The following AOAH variants were observed in gnomAD, a reference collection of about 807,000 sequenced individuals.
AOAH encodes acyloxyacyl hydrolase (neutrophil).
A neutral mutation model predicts 92.2 loss-of-function variants in AOAH; 64 were observed. The ratio of observed to expected loss-of-function variants is 0.69; its 90% CI spans 0.57 to 0.86. AOAH has a LOEUF of 0.86. AOAH is among the 40% of genes least tolerant of loss of function. The pLI, the probability that AOAH is intolerant of heterozygous loss-of-function variation, is 0.00. For synonymous variants in AOAH, 263 were observed against 254.5 expected (o/e 1.03, Z -0.32); for missense variants, 656 against 694.6 (o/e 0.94, Z 0.62).
chr7:36,686,887 T>C (rs1797060664), intron 1 of AOAH, 93 bp from the exon 2 acceptor site: 1 of 678,772 alleles, frequency 1.5e-6, no homozygotes, highest in South Asian at 3.5e-5. Context: ...TGTGTGTGTG[T>C]GTGTGTGTGT....
intron 3 of AOAH, among the ~76,000 whole-genome samples, chr7:36,673,480 T>C (rs1796053649): frequency 6.6e-6 from 1 of 151,592 alleles, no homozygotes; most frequent in African/African-American, 2.4e-5. Context: ...GAGGTTGCAG[T>C]GAGCCGAGAT....
intron 11 of AOAH, among the ~76,000 whole-genome samples, chr7:36,611,670 A>G (rs1193350717): frequency 6.6e-6 from 1 of 152,100 alleles, no homozygotes; most frequent in South Asian, 2.1e-4. Flanking sequence ...TCCTTTCCTC[A>G]GCCTCTGAGG....
chr7:36,513,442 G>T (rs1790160014), intron 20 of AOAH, 62 bp from the exon 21 acceptor site: 1 of 1,543,166 alleles, frequency 6.5e-7, no homozygotes. Flanking sequence ...TTACCAACAA[G>T]ATTTCCCACG....
chr7:36,660,087 C>T (rs1464749979), intron 3 of AOAH, among the ~76,000 whole-genome samples: 1 of 152,172 alleles, frequency 6.6e-6, no homozygotes, highest in Non-Finnish European at 1.5e-5. Context: ...CAGTAAATAA[C>T]TACCTTTTAT....
intron 3 of AOAH, among the ~76,000 whole-genome samples, chr7:36,668,383 C>T (rs1035913878): frequency 1.3e-5 from 2 of 152,214 alleles, no homozygotes; most frequent in African/African-American, 4.8e-5. Context: ...TTAATGCTGG[C>T]TCCTGTGGCA....
chr7:36,532,064 A>T, intron 18 of AOAH, 83 bp downstream of exon 18: 1 of 1,518,458 alleles, frequency 6.6e-7, no homozygotes, highest in South Asian at 1.1e-5. Context: ...GCCTGCCAGG[A>T]TCCCATCCCC....
At chr7:36,610,955 C>G (rs377030682) in intron 11 of AOAH, among the ~76,000 whole-genome samples, 2 of 152,218 alleles carry the variant, frequency 1.3e-5, no homozygotes, top group African/African-American at 4.8e-5. Flanking sequence ...CAGCTGATCC[C>G]AGACCACCCC....
At chr7:36,549,053 C>T (rs6973551) in intron 14 of AOAH, among the ~76,000 whole-genome samples, 20,134 of 152,106 alleles carry the variant, frequency 0.13, 1,398 homozygotes, top group African/African-American at 0.16. Context: ...ACCTGGCAGC[C>T]GTGGACCCAT....
At chr7:36,719,939 T>TAA (rs34744842) in intron 1 of AOAH, among the ~76,000 whole-genome samples, 3 of 143,984 alleles carry the variant, frequency 2.1e-5, no homozygotes, top group Admixed American at 6.9e-5. Flanking sequence ...TTGTCTTTAT[T>TAA]AAAAAAAAAA....
At chr7:36,608,281 C>T (rs1791151169) in intron 11 of AOAH, among the ~76,000 whole-genome samples, 1 of 152,200 alleles carries the variant, frequency 6.6e-6, no homozygotes, top group Non-Finnish European at 1.5e-5. Flanking sequence ...AAAGCTGAGC[C>T]CCACTGTCCC....
intron 13 of AOAH, among the ~76,000 whole-genome samples, chr7:36,570,464 C>A (rs1439123230): frequency 2.6e-5 from 4 of 152,212 alleles, no homozygotes; most frequent in Non-Finnish European, 1.5e-5. Flanking sequence ...CCTCCATGAA[C>A]ACAGGAGTGC....
chr7:36,563,526 C>T (rs978701435), intron 13 of AOAH, among the ~76,000 whole-genome samples: 1 of 152,122 alleles, frequency 6.6e-6, no homozygotes, highest in Non-Finnish European at 1.5e-5. Flanking sequence ...CCAGCTATTC[C>T]ATACACTCTG....
intron 2 of AOAH, among the ~76,000 whole-genome samples, chr7:36,675,379 A>G (rs1273113600): frequency 3.3e-5 from 5 of 152,232 alleles, no homozygotes; most frequent in African/African-American, 9.6e-5. Flanking sequence ...GTGCATGGCA[A>G]TAAATTAGGT....
chr7:36,573,710 T>C (rs1788297214), intron 13 of AOAH, among the ~76,000 whole-genome samples: 2 of 152,094 alleles, frequency 1.3e-5, no homozygotes, highest in African/African-American at 4.8e-5. Context: ...AGAGCGAGAC[T>C]CTGTCTCAAA....
At chr7:36,538,704 C>T (rs1583765111) in intron 16 of AOAH, among the ~76,000 whole-genome samples, 1 of 152,246 alleles carries the variant, frequency 6.6e-6, no homozygotes, top group East Asian at 1.9e-4. Flanking sequence ...ATTCTTAGCC[C>T]AGGTTGGTGT....
chr7:36,613,023 C>T (rs561417490), intron 11 of AOAH, among the ~76,000 whole-genome samples: 1 of 151,110 alleles, frequency 6.6e-6, no homozygotes, highest in South Asian at 2.2e-4. Context: ...GTAATTATAT[C>T]TAGTTTTTTT....
intron 13 of AOAH, among the ~76,000 whole-genome samples, chr7:36,551,753 C>T (rs185409757): frequency 6.6e-6 from 1 of 152,288 alleles, no homozygotes; most frequent in East Asian, 1.9e-4. Context: ...AATAACGCTG[C>T]TATGGATAGT....
intron 1 of AOAH, among the ~76,000 whole-genome samples, chr7:36,714,492 C>G (rs955821552): frequency 1.3e-5 from 2 of 152,176 alleles, no homozygotes; most frequent in Non-Finnish European, 2.9e-5. Context: ...CCAGCATCAT[C>G]CTGATACCAA....
intron 4 of AOAH, among the ~76,000 whole-genome samples, chr7:36,649,763 AC>A (rs1794454852): frequency 6.6e-6 from 1 of 152,108 alleles, no homozygotes; most frequent in African/African-American, 2.4e-5. Flanking sequence ...CTTGCTGTCC[AC>A]CACTGCTGTT....
Sources: gnomAD v4.1 joint callset for allele counts (sites outside exome capture counted in the v4.1 genomes callset) on GRCh38, gnomAD v4.1.1 for gene constraint, MANE v1.5 for transcripts, NCBI Gene and HGNC (gene_info 2026-07-23, HGNC 2026-07-21) for gene names.